TTLL11: variants seen among roughly 807,000 people sequenced by gnomAD.
TTLL11 encodes tubulin polyglutamylase TTLL11.
TTLL11 carries 42 observed loss-of-function variants against 51.7 expected under a neutral mutation model. The observed-to-expected ratio is 0.81, with a 90% confidence interval of 0.64 to 1.05. The LOEUF (loss-of-function observed/expected upper bound fraction) is 1.05. Ranked by LOEUF, TTLL11 falls within the 50% of genes least tolerant of loss-of-function variation. The pLI is 0.00. For synonymous variants in TTLL11, 381 were observed against 383.5 expected, an observed-to-expected ratio of 0.99 and a Z score of 0.08; for missense variants, 799 against 940.4, an observed-to-expected ratio of 0.85 and a Z score of 1.97.
chr9:121,984,671 G>A (rs1264294740), intron 4 of TTLL11, among the ~76,000 whole-genome samples: 1 of 152,160 alleles, frequency 6.6e-6, no homozygotes. Flanking sequence ...GAATAAAGAG[G>A]AGAAACATCT....
At chr9:121,994,581 G>T (rs1843201423) in intron 3 of TTLL11, among the ~76,000 whole-genome samples, 1 of 152,178 alleles carries the variant, frequency 6.6e-6, no homozygotes, top group Non-Finnish European at 1.5e-5. Context: ...AACCCAGGCA[G>T]GCAGATTCCA....
chr9:121,826,221 C>CATAT (rs1564260024), intron 8 of TTLL11, among the ~76,000 whole-genome samples: 13 of 27,310 alleles, frequency 4.8e-4, no homozygotes, highest in African/African-American at 1.1e-3. Context: ...TATATATGCA[C>CATAT]ACATATATAT....
intron 1 of TTLL11, among the ~76,000 whole-genome samples, chr9:122,040,980 C>T (rs576074005): frequency 6.6e-6 from 1 of 152,260 alleles, no homozygotes; most frequent in African/African-American, 2.4e-5. Flanking sequence ...GCAGGCTATC[C>T]GAGCAAAGGG....
At chr9:122,077,883 C>T (rs1411618224) in intron 1 of TTLL11, among the ~76,000 whole-genome samples, 1 of 149,214 alleles carries the variant, frequency 6.7e-6, no homozygotes, top group Non-Finnish European at 1.5e-5. Context: ...GAAAAAACAT[C>T]CTCTAACCAC....
intron 3 of TTLL11, among the ~76,000 whole-genome samples, chr9:121,994,794 G>A (rs558699840): frequency 1.3e-5 from 2 of 152,348 alleles, no homozygotes; most frequent in African/African-American, 2.4e-5. Flanking sequence ...GATGCCTCAG[G>A]CTGTCACATA....
chr9:122,072,152 T>C (rs541955913), intron 1 of TTLL11, among the ~76,000 whole-genome samples: 1 of 152,268 alleles, frequency 6.6e-6, no homozygotes, highest in Non-Finnish European at 1.5e-5. Context: ...AGCAGAAGGA[T>C]CACTTGAGCT....
At chr9:121,840,525 A>G (rs1837318944) in intron 8 of TTLL11, among the ~76,000 whole-genome samples, 1 of 152,162 alleles carries the variant, frequency 6.6e-6, no homozygotes, top group South Asian at 2.1e-4. Flanking sequence ...CCTTCCAGGT[A>G]GCTGGGATTA....
chr9:121,940,617 C>T (rs1466308448), intron 6 of TTLL11, among the ~76,000 whole-genome samples: 2 of 152,112 alleles, frequency 1.3e-5, no homozygotes, highest in Admixed American at 6.6e-5. Flanking sequence ...GGATTACAGG[C>T]ATGAGCCACC....
Position 121,859,938 on chromosome 9 carries a change from T to C in TTLL11, c.1840+399A>G, listed in dbSNP as rs1837953222. Among the ~76,000 whole-genome samples the C allele has an allele frequency of 2.0e-5, 3 of 152,224 alleles. No homozygotes were observed. In the South Asian group the frequency reaches 6.2e-4, roughly 32 times the overall value. ...TTCTCTCCCTCCGAGCCAGGCATCC[T>C]ACTACCTAGCATCATTTTCTCATCT... is the stretch of plus-strand genomic sequence containing the variant. On this transcript the variant is annotated intron_variant, in intron 8 of 8. Transcript: ENST00000321582.
At chr9:122,028,879 C>T (rs999351158) in intron 3 of TTLL11, among the ~76,000 whole-genome samples, 15 of 152,092 alleles carry the variant, frequency 9.9e-5, no homozygotes, top group Admixed American at 6.5e-4. Context: ...TTGGAAAGTC[C>T]GCAAATGACT....
intron 7 of TTLL11, 91 bp from the exon 8 acceptor site, chr9:121,860,534 C>A: frequency 9.5e-7 from 1 of 1,048,706 alleles, no homozygotes; most frequent in South Asian, 1.5e-5. Flanking sequence ...GAATGTTTGT[C>A]CTCCCCAAAT....
At chr9:121,968,912 C>T (rs1235206709) in intron 6 of TTLL11, among the ~76,000 whole-genome samples, 1 of 151,982 alleles carries the variant, frequency 6.6e-6, no homozygotes, top group Non-Finnish European at 1.5e-5. Context: ...CTCTGTCACC[C>T]AGGCTGGAGG....
intron 3 of TTLL11, among the ~76,000 whole-genome samples, chr9:121,990,884 C>T (rs1415302714): frequency 6.6e-6 from 1 of 152,114 alleles, no homozygotes; most frequent in East Asian, 1.9e-4. Context: ...CGATCTGGAC[C>T]TGTGGGTCTG....
chr9:121,849,430 TCTC>T (rs1313177365), intron 8 of TTLL11, among the ~76,000 whole-genome samples: 1 of 152,058 alleles, frequency 6.6e-6, no homozygotes, highest in African/African-American at 2.4e-5. Flanking sequence ...ATTAAAAACT[TCTC>T]CTCTGAAAAG....
intron 3 of TTLL11, among the ~76,000 whole-genome samples, chr9:122,024,102 G>A (rs1844261188): frequency 6.6e-6 from 1 of 152,048 alleles, no homozygotes; most frequent in Non-Finnish European, 1.5e-5. Context: ...GTTTAACAAG[G>A]TTGCAGGATA....
chr9:121,846,985 C>A (rs1042163302), intron 8 of TTLL11, among the ~76,000 whole-genome samples: 3 of 152,014 alleles, frequency 2.0e-5, no homozygotes, highest in Non-Finnish European at 4.4e-5. Context: ...CCGAGGCGGG[C>A]GGATCACGAG....
Position 121,995,718 on chromosome 9 carries a change from C to G in TTLL11, c.694-5948G>C, listed in dbSNP as rs1418610863. Among the ~76,000 whole-genome samples the G allele has an allele frequency of 6.6e-6, 1 of 152,158 alleles. No homozygotes were observed. Among genetic ancestry groups the G allele is most frequent in the African/African-American group, 2.4e-5 (1 of 41,422 alleles). On this transcript the variant is annotated intron_variant, in intron 3 of 8. Transcript: ENST00000321582. This position sits in a 1 kb window ranked among gnomAD's most constrained non-coding sequence, Gnocchi z 4.4. ...TTAGGACTTTATAATATCCCGCAAG[C>G]CCTCTACTGTTCATCGGAACCAGGC...
At chr9:121,955,892 T>C (rs1182680497) in intron 6 of TTLL11, among the ~76,000 whole-genome samples, 2 of 152,236 alleles carry the variant, frequency 1.3e-5, no homozygotes, top group Admixed American at 6.5e-5. Flanking sequence ...TGCTTAAATA[T>C]GAAGTGGTTC....
intron 1 of TTLL11, among the ~76,000 whole-genome samples, chr9:122,052,482 T>C: frequency 6.6e-6 from 1 of 152,218 alleles, no homozygotes; most frequent in East Asian, 1.9e-4. Context: ...CAAGGATTAA[T>C]AGTATGTTTG....
Sources: allele counts gnomAD v4.1 joint callset (sites outside exome capture counted in the v4.1 genomes callset), GRCh38; gene constraint gnomAD v4.1.1; non-coding constraint Gnocchi (gnomAD v3.1); transcripts MANE v1.5; gene names NCBI Gene and HGNC (gene_info 2026-07-23, HGNC 2026-07-21).